NAP1L4: variants seen among roughly 807,000 people sequenced by gnomAD.
NAP1L4 encodes the protein nucleosome assembly protein 1 like 4.
NAP1L4 carries 15 observed loss-of-function variants against 58.2 expected under a neutral mutation model. The ratio of observed to expected loss-of-function variants is 0.26; its 90% CI spans 0.17 to 0.40. The LOEUF (loss-of-function observed/expected upper bound fraction) is 0.40, where lower values mean the gene tolerates loss of function less well. Ranked by LOEUF, NAP1L4 falls within the 10% of genes least tolerant of loss-of-function variation. The probability of loss-of-function intolerance (pLI) is 1.00; values close to 1 mark genes in which losing one functional copy is unlikely to be tolerated. For missense variants in NAP1L4, 384 were observed against 451.1 expected (o/e 0.85, Z 1.35); for synonymous variants, 171 against 155.6 (o/e 1.10, Z -0.74).
chr11:2,945,360 C>A lies in NAP1L4; in HGVS notation c.*319G>T, dbSNP rs1166718046. ...GGGAAAGGCCCAGGGAAGTCCAGAG[C>A]TACAGGCACCAAGGCTGCAGAGGGT... On this transcript the variant is annotated 3_prime_UTR_variant, in exon 16 of 16. Transcript: ENST00000380542. The A allele has an allele frequency of 4.1e-6, 2 of 488,232 alleles. No individual in the cohort carries two copies. Among genetic ancestry groups the A allele is most frequent in the African/African-American group, 2.0e-5 (1 of 50,654 alleles). 30.2% of individuals were successfully genotyped at this position (488,232 alleles called of 1,614,324 possible).
chr11:2,968,332 C>A (rs147104625), intron 7 of NAP1L4, among the ~76,000 whole-genome samples: 1 of 152,288 alleles, frequency 6.6e-6, no homozygotes, highest in African/African-American at 2.4e-5. Flanking sequence ...TTGTAATACA[C>A]AGGGTGAGAC....
chr11:2,962,379 G>T, intron 8 of NAP1L4, among the ~76,000 whole-genome samples: 1 of 152,246 alleles, frequency 6.6e-6, no homozygotes, highest in East Asian at 1.9e-4. Context: ...ACCATGTGGT[G>T]TGGCAGGAGC....
At position 2,971,754 on chromosome 11, in the gene NAP1L4, A is replaced by C. The variant is rs575324264; in HGVS notation, c.316-220T>G. Among the ~76,000 whole-genome samples the C allele has an allele frequency of 7.2e-5, 11 of 152,312 alleles. No homozygotes were observed. Among genetic ancestry groups the C allele is most frequent in the African/African-American group, 2.6e-4 (11 of 41,568 alleles). On this transcript the variant is annotated intron_variant, in intron 5 of 15. Transcript: ENST00000380542. This position sits in a 1 kb window ranked among gnomAD's most constrained non-coding sequence, Gnocchi z 4.2. ...AGATGTAAAATAAAGACAGTCCCCG[A>C]TTTCCAATGGTTCAGCTAAAGATTT...
chr11:2,979,351 G>GAAC, intron 1 of NAP1L4, 114 bp from the exon 2 acceptor site: 3 of 788,454 alleles, frequency 3.8e-6, no homozygotes, highest in Non-Finnish European at 6.2e-6. Flanking sequence ...GGACAGGAGG[G>GAAC]AACTTTCTAG....
intron 1 of NAP1L4, among the ~76,000 whole-genome samples, chr11:2,986,189 C>A (rs752217695): frequency 6.6e-6 from 1 of 151,918 alleles, no homozygotes; most frequent in African/African-American, 2.4e-5. Flanking sequence ...GCCTGGCCAA[C>A]GTGGTGAAAT....
At chr11:2,985,387 G>A (rs1848559567) in intron 1 of NAP1L4, among the ~76,000 whole-genome samples, 1 of 144,682 alleles carries the variant, frequency 6.9e-6, no homozygotes, top group African/African-American at 2.5e-5. Context: ...CAGGTTTGAG[G>A]AAAATAAATA....
chr11:2,953,983 A>G (rs1174787082), intron 12 of NAP1L4, among the ~76,000 whole-genome samples: 1 of 152,182 alleles, frequency 6.6e-6, no homozygotes, highest in Non-Finnish European at 1.5e-5. Flanking sequence ...TGGGCTGTGC[A>G]CCCGCAAGTT....
chr11:2,956,182 C>A (rs576258459), intron 10 of NAP1L4, among the ~76,000 whole-genome samples: 1 of 152,338 alleles, frequency 6.6e-6, no homozygotes. Flanking sequence ...AGTCCTTAAG[C>A]CTTATAAGCT....
chr11:2,991,788 C>G (rs1361721646), intron 1 of NAP1L4: 4 of 152,296 alleles, frequency 2.6e-5, no homozygotes, highest in Admixed American at 1.3e-4. Context: ...TCCTGGACGT[C>G]TCCACCTTAA....
At chr11:2,989,198 C>T (rs985709629) in intron 1 of NAP1L4, 1 of 152,196 alleles carries the variant, frequency 6.6e-6, no homozygotes, top group African/African-American at 2.4e-5. Flanking sequence ...CAGCTACTTC[C>T]TATCACCATA....
intron 1 of NAP1L4, among the ~76,000 whole-genome samples, chr11:2,986,784 ATTT>A (rs71035459): frequency 1.4e-5 from 2 of 143,972 alleles, no homozygotes; most frequent in African/African-American, 5.1e-5. Context: ...TGCCCAGCTA[ATTT>A]TTTTTTTTTT....
intron 1 of NAP1L4, among the ~76,000 whole-genome samples, chr11:2,989,499 C>A (rs1848830104): frequency 6.6e-6 from 1 of 152,050 alleles, no homozygotes; most frequent in African/African-American, 2.4e-5. Context: ...GGCTCTTTGG[C>A]AACATTTTTG....
chr11:2,981,751 C>G (rs1054742640), intron 1 of NAP1L4: 1 of 152,368 alleles, frequency 6.6e-6, no homozygotes, highest in African/African-American at 2.4e-5. Flanking sequence ...CGCTTGAATA[C>G]AGGAGGCAGA....
Position 2,971,460 on chromosome 11 carries a change from T to C in NAP1L4, c.390A>G (p.Glu130=). The change falls in exon 6 of 16, where the codon GAA becomes GAG. Residue 130 remains glutamate (E), a synonymous_variant. Coordinates refer to ENST00000380542, the MANE Select transcript of NAP1L4 (RefSeq NM_005969.4). This position sits in a 1 kb window ranked among gnomAD's most constrained non-coding sequence, Gnocchi z 4.2. The part of the protein sequence containing the change: ...ESEWHSENEE[E]EKLAGDMKSK... ...TCTAAAGACTTACAGCCAATTTCTC[T>C]TCCTCTTCATTTTCACTGTGCCATT... 6.2e-7 allele frequency: 1 copy of C among 1,613,708 alleles called. No individual in the cohort carries two copies. The highest frequency in any genetic ancestry group is 8.5e-7 in the Non-Finnish European group (1 of 1,179,894).
intron 5 of NAP1L4, 37 bp downstream of exon 5, chr11:2,972,065 A>C (rs776110776): frequency 6.7e-7 from 1 of 1,496,048 alleles, no homozygotes; most frequent in South Asian, 1.4e-5. Flanking sequence ...TCGTAAGCTG[A>C]AAACTATCTG....
chr11:2,958,267 C>T lies in NAP1L4; in HGVS notation c.892+132G>A, dbSNP rs760052015. ...CGCACCAACAGAACAGCCTGGGACA[C>T]AGCAATGTGCCCCTACTGACCACAC... On this transcript the variant is annotated intron_variant, in intron 10 of 15. Transcript: ENST00000380542. 1.4e-4 allele frequency: 131 copies of T among 909,376 alleles called. 3 individuals carry two copies. In the South Asian group the frequency reaches 1.5e-3, roughly 10 times the overall value. The allele number at this position is 909,376 out of a possible 1,614,324, so 56.3% of individuals were successfully genotyped here.
In NAP1L4 at chr11:2,949,271, G is replaced by A. The variant is rs1257672067; in HGVS notation, c.1123-7C>T. 1 of 1,595,920 alleles carries A rather than the reference G, an allele frequency of 6.3e-7. No individual in the cohort carries two copies. The highest frequency in any genetic ancestry group is 8.6e-7 in the Non-Finnish European group (1 of 1,163,572). Reference sequence around the variant, plus strand: ...TAACAGACAAAAATTACACCTAAATGGGGAAAAAAATTGAAAGGAACTGTC... The same window carrying A: ...TAACAGACAAAAATTACACCTAAATAGGGAAAAAAATTGAAAGGAACTGTC... On this transcript the variant is annotated splice_polypyrimidine_tract_variant and splice_region_variant and intron_variant, in intron 14 of 15. Transcript: ENST00000380542. This position sits in a 1 kb window ranked among gnomAD's most constrained non-coding sequence, Gnocchi z 4.0.
chr11:2,989,619 T>A (rs1292490337), intron 1 of NAP1L4, among the ~76,000 whole-genome samples: 1 of 152,222 alleles, frequency 6.6e-6, no homozygotes, highest in African/African-American at 2.4e-5. Flanking sequence ...CTCCTCCTGA[T>A]GCTAGAGACT....
At chr11:2,968,950 C>G (rs1590244348) in intron 7 of NAP1L4, among the ~76,000 whole-genome samples, 1 of 148,136 alleles carries the variant, frequency 6.8e-6, no homozygotes, top group East Asian at 1.9e-4. Context: ...CAAGGCAAGA[C>G]AAAATCAGAA....
Sources: gnomAD v4.1 joint callset for allele counts (sites outside exome capture counted in the v4.1 genomes callset) on GRCh38, gnomAD v4.1.1 for gene constraint, Gnocchi (gnomAD v3.1) non-coding constraint, MANE v1.5 for transcripts, NCBI Gene and HGNC (gene_info 2026-07-23, HGNC 2026-07-21) for gene names.